Variants in DRD3 observed in about 807,000 individuals in gnomAD.
The protein encoded by DRD3 is dopamine receptor D3.
Under a neutral mutation model 36.3 loss-of-function variants are expected in DRD3, and 19 were observed. That is an observed-to-expected ratio of 0.52 (90% CI 0.36 to 0.77). The LOEUF (loss-of-function observed/expected upper bound fraction) is 0.77, where lower values mean the gene tolerates loss of function less well. Among genes scored for constraint, DRD3 ranks in the 30% least tolerant of loss-of-function variants. DRD3 has a pLI of 0.00. For synonymous variants in DRD3, 195 were observed against 203.7 expected (o/e 0.96, Z 0.36); for missense variants, 465 against 505.3 (o/e 0.92, Z 0.77).
intron 4 of DRD3, among the ~76,000 whole-genome samples, chr3:114,142,068 A>AAAAG (rs1559984385): frequency 7.0e-6 from 1 of 142,852 alleles, no homozygotes; most frequent in African/African-American, 2.8e-5. Context: ...AAAAAAAAAA[A>AAAAG]AAAAGAAAAG....
intron 1 of DRD3, among the ~76,000 whole-genome samples, chr3:114,198,549 T>G (rs2078048999): frequency 6.6e-6 from 1 of 152,302 alleles, no homozygotes; most frequent in Non-Finnish European, 1.5e-5. Context: ...AGTAGGATTT[T>G]TTTTGGGTAG....
intron 5 of DRD3, among the ~76,000 whole-genome samples, chr3:114,132,190 A>G (rs2077436999): frequency 6.6e-6 from 1 of 152,244 alleles, no homozygotes; most frequent in East Asian, 1.9e-4. Flanking sequence ...TATAAAGAAA[A>G]TGTGACACAT....
At chr3:114,193,457 A>C (rs1243752893) in intron 1 of DRD3, among the ~76,000 whole-genome samples, 2 of 152,332 alleles carry the variant, frequency 1.3e-5, no homozygotes, top group East Asian at 3.9e-4. Flanking sequence ...ACAGCGTCTG[A>C]CCTGAATAAA....
chr3:114,172,110 T>C, intron 1 of DRD3, 83 bp from the exon 2 acceptor site: 1 of 1,099,332 alleles, frequency 9.1e-7, no homozygotes, highest in Non-Finnish European at 1.2e-6. Context: ...ATTTATTGCA[T>C]CAGCAAATAT....
intron 5 of DRD3, among the ~76,000 whole-genome samples, chr3:114,132,056 G>T (rs1653286909): frequency 6.6e-6 from 1 of 152,102 alleles, no homozygotes; most frequent in South Asian, 2.1e-4. Flanking sequence ...CCATTACTGG[G>T]TATATATCCA....
chr3:114,135,639 G>T (rs965169340), intron 5 of DRD3, among the ~76,000 whole-genome samples: 13 of 151,964 alleles, frequency 8.6e-5, no homozygotes, highest in African/African-American at 3.1e-4. Context: ...TTATCTGAAT[G>T]CCTATTTACA....
At chr3:114,138,700 G>T (rs894118277) in intron 5 of DRD3, among the ~76,000 whole-genome samples, 7 of 152,164 alleles carry the variant, frequency 4.6e-5, no homozygotes, top group African/African-American at 1.7e-4. Flanking sequence ...ATAATTGAGT[G>T]CTTAATTGTC....
upstream of DRD3, among the ~76,000 whole-genome samples, chr3:114,181,265 C>G (rs2107897751): frequency 6.6e-6 from 1 of 152,292 alleles, no homozygotes; most frequent in Non-Finnish European, 1.5e-5. Context: ...AATCACACAT[C>G]TAGGCAGTCA....
Position 114,128,834 on chromosome 3 carries a change from G to A in DRD3, c.1085C>T (p.Pro362Leu). The A allele has an allele frequency of 6.2e-7, 1 of 1,613,972 alleles. No homozygotes were observed. The highest frequency in any genetic ancestry group is 8.5e-7 in the Non-Finnish European group (1 of 1,179,948). The change falls in exon 7 of 7, where the codon CCA (proline) becomes CTA (leucine). Residue 362 changes from proline to leucine, a missense_variant. Pro to Leu is a moderately conservative substitution (Grantham distance 98). Transcript: ENST00000383673. ...NTHCQTCHVS[P>L]ELYSATTWLG... ...CCATGTCGTGGCACTGTAAAGCTCT[G>A]GGGACACGTGGCATGTCTGGCAGTG... is the stretch of plus-strand genomic sequence containing the variant.
At chr3:114,179,882 T>C (rs2077936718), upstream of DRD3, among the ~76,000 whole-genome samples, 2 of 152,220 alleles carry the variant, frequency 1.3e-5, no homozygotes, top group Admixed American at 6.5e-5. Flanking sequence ...CCATCATTTA[T>C]TGAGCATGTA....
At chr3:114,130,057 G>A (rs140071325) in intron 6 of DRD3, among the ~76,000 whole-genome samples, 290 of 152,106 alleles carry the variant, frequency 1.9e-3, no homozygotes, top group Non-Finnish European at 3.5e-3. Flanking sequence ...AGACCAGCCT[G>A]GGCAACGTAA....
intron 1 of DRD3, among the ~76,000 whole-genome samples, chr3:114,186,980 G>A (rs371833833): frequency 4.3e-4 from 66 of 152,330 alleles, no homozygotes; most frequent in African/African-American, 1.5e-3. Context: ...AAGTAGAAAT[G>A]TCTGAGAAAG....
chr3:114,176,282 T>G (rs1260627644), intron 1 of DRD3: 1 of 152,146 alleles, frequency 6.6e-6, no homozygotes, highest in African/African-American at 2.4e-5. Flanking sequence ...TTTTAATACT[T>G]ATAGCAGCAT....
chr3:114,197,059 G>T (rs1364596241), intron 1 of DRD3, among the ~76,000 whole-genome samples: 12 of 147,700 alleles, frequency 8.1e-5, no homozygotes, highest in Non-Finnish European at 1.6e-4. Context: ...ATGTATACAT[G>T]TGCTATGCTG....
intron 1 of DRD3, among the ~76,000 whole-genome samples, chr3:114,173,033 T>TG (rs1337499981): frequency 6.6e-6 from 1 of 151,932 alleles, no homozygotes; most frequent in Non-Finnish European, 1.5e-5. Context: ...TATTAGGAGG[T>TG]GGGGGTCTTT....
At chr3:114,145,005 C>T (rs2077558505) in intron 4 of DRD3, among the ~76,000 whole-genome samples, 1 of 152,120 alleles carries the variant, frequency 6.6e-6, no homozygotes, top group Non-Finnish European at 1.5e-5. Flanking sequence ...TCGACATTAA[C>T]CGAGAACTCA....
chr3:114,157,762 A>G (rs1304417630), intron 3 of DRD3, among the ~76,000 whole-genome samples: 8 of 152,176 alleles, frequency 5.3e-5, no homozygotes, highest in African/African-American at 1.9e-4. Flanking sequence ...AAAGCTAAAG[A>G]ACATGTCCAC....
chr3:114,174,997 G>T (rs1202197985), intron 1 of DRD3, among the ~76,000 whole-genome samples: 1 of 152,140 alleles, frequency 6.6e-6, no homozygotes, highest in African/African-American at 2.4e-5. Flanking sequence ...AAGACTAAAT[G>T]AGATTATATA....
intron 1 of DRD3, among the ~76,000 whole-genome samples, chr3:114,185,842 T>TTTTA (rs1446256480): frequency 6.6e-6 from 1 of 152,084 alleles, no homozygotes; most frequent in African/African-American, 2.4e-5. Context: ...GAAAATGTTA[T>TTTTA]TTTATTTATT....
Sources: allele counts gnomAD v4.1 joint callset (sites outside exome capture counted in the v4.1 genomes callset), GRCh38; gene constraint gnomAD v4.1.1; transcripts MANE v1.5; gene names NCBI Gene and HGNC (gene_info 2026-07-23, HGNC 2026-07-21).